The following PDHA1 variants were observed in gnomAD, a reference collection of about 807,000 sequenced individuals.
PDHA1 encodes the protein pyruvate dehydrogenase E1 component subunit alpha, somatic form, mitochondrial.
A neutral mutation model predicts 33.0 loss-of-function variants in PDHA1; 1 was observed. That is an observed-to-expected ratio of 0.03 (90% CI 0.01 to 0.14). The LOEUF (loss-of-function observed/expected upper bound fraction) is 0.14. Ranked by LOEUF, PDHA1 falls within the 10% of genes least tolerant of loss-of-function variation. PDHA1 has a pLI of 1.00. For missense variants in PDHA1, 168 were observed against 325.1 expected (o/e 0.52, Z 3.72); for synonymous variants, 123 against 119.2 (o/e 1.03, Z -0.21).
chrX:19,348,123 G>A (rs1452763311), intron 1 of PDHA1, among the ~76,000 whole-genome samples: 2 of 112,745 alleles, frequency 1.8e-5, no homozygotes, highest in South Asian at 3.6e-4. Context: ...TGGTTTACAC[G>A]TCAGTGTGTG....
intron 1 of PDHA1, among the ~76,000 whole-genome samples, chrX:19,347,225 T>G (rs1569189373): frequency 8.9e-6 from 1 of 111,897 alleles, no homozygotes; most frequent in Non-Finnish European, 1.9e-5. Context: ...TTGAGTGGGT[T>G]GTTCGTGGTC....
At chrX:19,347,726 A>G (rs781529087) in intron 1 of PDHA1, among the ~76,000 whole-genome samples, 33 of 113,045 alleles carry the variant, frequency 2.9e-4, no homozygotes, top group Non-Finnish European at 4.1e-4. Context: ...ACTGCCAAGA[A>G]TAACACATCT....
intron 10 of PDHA1, among the ~76,000 whole-genome samples, 176 bp downstream of exon 10, chrX:19,359,200 C>CAAAATTGTAT (rs1174692192): frequency 9.0e-6 from 1 of 111,420 alleles, no homozygotes; most frequent in Non-Finnish European, 1.9e-5. Flanking sequence ...TTCCTCTATT[C>CAAAATTGTAT]AAAATTGTAT....
rs901165637 is a variant in PDHA1, at chrX:19,357,819, C to T, written c.899+100C>T. ...AGTATTTGCTTTTGGAGCTAGATAC[C>T]AGTTCACTTCATGTACGCAGTTGTG... On this transcript the variant is annotated intron_variant, in intron 9 of 10. Coordinates refer to ENST00000422285, the MANE Select transcript of PDHA1 (RefSeq NM_000284.4). The T allele has an allele frequency of 2.4e-5, 15 of 632,547 alleles. No homozygotes were observed. The Admixed American group carries it at 2.5e-4, about 11-fold the overall frequency. 52.1% of individuals were successfully genotyped at this position (632,547 alleles called of 1,213,427 possible). A position where few individuals can be genotyped will look rare whatever the true frequency, so the allele number is the denominator to read the frequency against.
At position 19,360,146 on chromosome X, in the gene PDHA1, C is replaced by CAA. The variant is rs2063263391; in HGVS notation, c.*495_*496dup. 1 of 154,964 alleles carries CAA rather than the reference C, an allele frequency of 6.5e-6. No individual in the cohort carries two copies. Among genetic ancestry groups the CAA allele is most frequent in the Non-Finnish European group, 1.2e-5 (1 of 80,501 alleles). The allele number at this position is 154,964 out of a possible 1,213,427, so 12.8% of individuals were successfully genotyped here. A position where few individuals can be genotyped will look rare whatever the true frequency, so the allele number is the denominator to read the frequency against. ...AATCATTCCAATTTTGTAATCATTT[C>CAA]AAAGGCCACATAACTTAGTTTTCTC... On this transcript the variant is annotated 3_prime_UTR_variant, in exon 11 of 11. Transcript: ENST00000422285.
intron 8 of PDHA1, among the ~76,000 whole-genome samples, chrX:19,356,530 C>T (rs768653249): frequency 9.0e-6 from 1 of 111,717 alleles, no homozygotes; most frequent in Non-Finnish European, 1.9e-5. Context: ...AGGACCAAGA[C>T]TACAGCTTGG....
At chrX:19,349,621 A>G (rs1260304224) in intron 2 of PDHA1, among the ~76,000 whole-genome samples, 1 of 112,198 alleles carries the variant, frequency 8.9e-6, no homozygotes, top group Non-Finnish European at 1.9e-5. Flanking sequence ...AAAAGTTTGG[A>G]ATGTAATTCA....
rs1471672735 is a variant in PDHA1 at position 19,360,067 on chromosome X, AC to A, written c.*415del. 3 of 189,914 alleles carry A rather than the reference AC, an allele frequency of 1.6e-5. No individual in the cohort carries two copies. The highest frequency in any genetic ancestry group is 2.9e-5 in the Non-Finnish European group (3 of 103,442). 15.7% of individuals were successfully genotyped at this position (189,914 alleles called of 1,213,427 possible). ...CGCGCTGACCATTTCTCTACAAGAT[AC>A]AATATTTATTATCAGGCAAGAGGAC... On this transcript the variant is annotated 3_prime_UTR_variant, in exon 11 of 11. Transcript: ENST00000422285.
At chrX:19,347,891 G>C (rs982832595) in intron 1 of PDHA1, among the ~76,000 whole-genome samples, 3 of 112,415 alleles carry the variant, frequency 2.7e-5, no homozygotes, top group African/African-American at 9.7e-5. Context: ...TAGTATTTCA[G>C]TTGTTTTCCT....
In PDHA1 at chrX:19,359,533, G is replaced by A; in HGVS notation, c.1053G>A (p.Gln351=). 8.3e-7 allele frequency: 1 copy of A among 1,210,267 alleles called. No homozygotes were observed. Among genetic ancestry groups the A allele is most frequent in the Non-Finnish European group, 1.1e-6 (1 of 894,287 alleles). The change falls in exon 11 of 11, where the codon CAG becomes CAA. Residue 351 remains glutamine (Q), a synonymous_variant. Coordinates refer to ENST00000422285, the MANE Select transcript of PDHA1 (RefSeq NM_000284.4). The part of the protein sequence containing the change: ...EVRKEIEDAA[Q]FATADPEPPL... ...GGAAGGAGATTGAGGATGCTGCCCAGTTTGCCACGGCCGATCCTGAGCCAC... is the reference window on the plus strand; with the variant it reads ...GGAAGGAGATTGAGGATGCTGCCCAATTTGCCACGGCCGATCCTGAGCCAC...
At chrX:19,359,340 GAAATCTGTATTCCAA>G in intron 10 of PDHA1, 134 bp from the exon 11 acceptor site, 1 of 529,970 alleles carries the variant, frequency 1.9e-6, no homozygotes. Context: ...ATACACCCTA[GAAATCTGTATTCCAA>G]AATCTTCTGA....
chrX:19,355,921 T>A (rs113122580), intron 8 of PDHA1, among the ~76,000 whole-genome samples, 164 bp downstream of exon 8: 3 of 112,375 alleles, frequency 2.7e-5, no homozygotes, highest in African/African-American at 9.7e-5. Flanking sequence ...TTGGTCTTGG[T>A]AGCTCACCTG....
intron 10 of PDHA1, among the ~76,000 whole-genome samples, 194 bp from the exon 11 acceptor site, chrX:19,359,295 A>G (rs983035657): frequency 1.8e-5 from 2 of 111,771 alleles, no homozygotes; most frequent in Non-Finnish European, 3.8e-5. Context: ...CTTTTTTCCT[A>G]AAAGTATACT....
In PDHA1 at chrX:19,358,178, C is replaced by T. The variant is rs1332667141; in HGVS notation, c.899+459C>T. Among the ~76,000 whole-genome samples, 3 of 111,815 alleles carry T rather than the reference C, an allele frequency of 2.7e-5. No homozygotes were observed. The Admixed American group carries it at 2.9e-4, about 11-fold the overall frequency. ...TACATCAATCAAAAAAGCTAGGTTCCACTAGGAAGGCATGAATTTTACTTT... is the reference window on the plus strand; with the variant it reads ...TACATCAATCAAAAAAGCTAGGTTCTACTAGGAAGGCATGAATTTTACTTT... On this transcript the variant is annotated intron_variant, in intron 9 of 10. Coordinates refer to ENST00000422285, the MANE Select transcript of PDHA1 (RefSeq NM_000284.4).
chrX:19,359,136 C>CATAA, intron 10 of PDHA1, 112 bp downstream of exon 10: 1 of 525,989 alleles, frequency 1.9e-6, no homozygotes, highest in Admixed American at 2.7e-5. Flanking sequence ...TGTCCTGGGA[C>CATAA]ATAAATAGTT....
In PDHA1 at chrX:19,361,244, T is replaced by G; in HGVS notation, c.*1591T>G. 4.1e-6 allele frequency: 3 copies of G among 733,665 alleles called. No homozygotes were observed. Among genetic ancestry groups the G allele is most frequent in the South Asian group, 2.8e-5 (1 of 35,933 alleles). The allele number at this position is 733,665 out of a possible 1,213,427, so 60.5% of individuals were successfully genotyped here. A position where few individuals can be genotyped will look rare whatever the true frequency, so the allele number is the denominator to read the frequency against. ...CTTGAACCTAATAGAACTCCAGAGT[T>G]TGGGGGGAGGCCCAGCCCTTTGTTT... On this transcript the variant is annotated 3_prime_UTR_variant, in exon 11 of 11. Coordinates refer to ENST00000422285, the MANE Select transcript of PDHA1 (RefSeq NM_000284.4).
At chrX:19,346,064 GTTT>G (rs2063131494) in intron 1 of PDHA1, among the ~76,000 whole-genome samples, 1 of 112,034 alleles carries the variant, frequency 8.9e-6, no homozygotes, top group Non-Finnish European at 1.9e-5. Context: ...CAACGTTTTA[GTTT>G]TTTATATTAT....
Position 19,359,700 on chromosome X carries a change from G to A in PDHA1, c.*47G>A, listed in dbSNP as rs769687352. ...TACCTTCAGGGGGCTACCAGACAGT[G>A]TTCTCAACTTGGTTAAGGAGGAAGA... is the stretch of plus-strand genomic sequence containing the variant. On this transcript the variant is annotated 3_prime_UTR_variant, in exon 11 of 11. Coordinates refer to ENST00000422285, the MANE Select transcript of PDHA1 (RefSeq NM_000284.4). The A allele has an allele frequency of 5.3e-5, 58 of 1,103,159 alleles. No homozygotes were observed. Among genetic ancestry groups the A allele is most frequent in the Non-Finnish European group, 7.0e-5 (56 of 798,649 alleles). The allele number at this position is 1,103,159 out of a possible 1,213,427, so 90.9% of individuals were successfully genotyped here. A position where few individuals can be genotyped will look rare whatever the true frequency, so the allele number is the denominator to read the frequency against.
chrX:19,349,875 A>G (rs2063154225), intron 2 of PDHA1, 62 bp from the exon 3 acceptor site: 4 of 910,498 alleles, frequency 4.4e-6, no homozygotes, highest in Non-Finnish European at 6.4e-6. Context: ...TAGATCTTAG[A>G]GTGGTCAACA....
Sources: allele counts gnomAD v4.1 joint callset (sites outside exome capture counted in the v4.1 genomes callset), GRCh38; gene constraint gnomAD v4.1.1; transcripts MANE v1.5; gene names NCBI Gene and HGNC (gene_info 2026-07-23, HGNC 2026-07-21).